Variants in PAPPA observed in about 807,000 individuals in gnomAD.
PAPPA encodes pappalysin 1.
In PAPPA, 60 loss-of-function variants were observed where a neutral mutation model predicts 164.0. The ratio of observed to expected loss-of-function variants is 0.37; its 90% CI spans 0.30 to 0.45. PAPPA has a LOEUF of 0.45. PAPPA is among the 20% of genes least tolerant of loss of function. The pLI is 1.00. For synonymous variants in PAPPA, 875 were observed against 814.1 expected (o/e 1.07, Z -1.27); for missense variants, 1,782 against 2,087.3 (o/e 0.85, Z 2.85).
intron 5 of PAPPA, among the ~76,000 whole-genome samples, chr9:116,223,525 TC>T (rs1844469893): frequency 1.3e-5 from 2 of 152,202 alleles, no homozygotes; most frequent in Non-Finnish European, 2.9e-5. Context: ...TTCTTGAGGC[TC>T]ATATAGTAGC....
At chr9:116,351,909 G>T (rs918962434) in intron 15 of PAPPA, among the ~76,000 whole-genome samples, 1 of 152,184 alleles carries the variant, frequency 6.6e-6, no homozygotes, top group Non-Finnish European at 1.5e-5. Context: ...AGGAGAGTTT[G>T]GTGGAGAAAC....
chr9:116,207,441 C>CT lies in PAPPA; in HGVS notation c.1479-10dup. On this transcript the variant is annotated splice_polypyrimidine_tract_variant and intron_variant, in intron 2 of 21. Coordinates refer to ENST00000328252, the MANE Select transcript of PAPPA (RefSeq NM_002581.5). ...TGGGGGCATGATAACAGCCAAGGTT[C>CT]TTTTTCTGTTTCAGAGCCTACTTGG... 1.9e-6 allele frequency: 3 copies of CT among 1,598,716 alleles called. No individual in the cohort carries two copies. The highest frequency in any genetic ancestry group is 1.3e-5 in the African/African-American group (1 of 74,286).
intron 1 of PAPPA, among the ~76,000 whole-genome samples, chr9:116,156,636 C>T (rs1843608595): frequency 6.6e-6 from 1 of 151,960 alleles, no homozygotes; most frequent in Non-Finnish European, 1.5e-5. Context: ...AAGCCAGGAG[C>T]TTTTCCCCTG....
At chr9:116,209,829 G>A (rs1323049876) in intron 3 of PAPPA, among the ~76,000 whole-genome samples, 1 of 152,140 alleles carries the variant, frequency 6.6e-6, no homozygotes, top group East Asian at 1.9e-4. Flanking sequence ...TTATTTTAGA[G>A]CTCACCAGAG....
chr9:116,361,618 C>T (rs1392954985), intron 17 of PAPPA, among the ~76,000 whole-genome samples: 1 of 152,210 alleles, frequency 6.6e-6, no homozygotes, highest in Non-Finnish European at 1.5e-5. Context: ...CTCTAAGAGG[C>T]CTTCCCTGAT....
chr9:116,200,579 G>A (rs1251870734), intron 2 of PAPPA, among the ~76,000 whole-genome samples: 1 of 152,160 alleles, frequency 6.6e-6, no homozygotes, highest in African/African-American at 2.4e-5. Flanking sequence ...CAGTTCCAGT[G>A]TGTAGTAAAC....
chr9:116,326,952 A>G (rs918487654), intron 10 of PAPPA, among the ~76,000 whole-genome samples: 1 of 152,206 alleles, frequency 6.6e-6, no homozygotes, highest in African/African-American at 2.4e-5. Context: ...CATTGTGTGT[A>G]TATATCACAT....
At position 116,221,524 on chromosome 9, in the gene PAPPA, A is replaced by G. The variant is rs1811722586; in HGVS notation, c.2111+1395A>G. 3.9e-5 allele frequency among the ~76,000 whole-genome samples: 6 copies of G among 152,182 alleles called. No individual in the cohort carries two copies. The South Asian group carries it at 1.2e-3, about 32-fold the overall frequency. ...CTTTCTGGTAACCTTGTACAAAACAAATCATCTTCCTCATCTGCTAGATAA... is the reference window on the plus strand; with the variant it reads ...CTTTCTGGTAACCTTGTACAAAACAGATCATCTTCCTCATCTGCTAGATAA... On this transcript the variant is annotated intron_variant, in intron 5 of 21. Coordinates refer to ENST00000328252, the MANE Select transcript of PAPPA (RefSeq NM_002581.5).
At chr9:116,336,229 C>G (rs1349606492) in intron 13 of PAPPA, among the ~76,000 whole-genome samples, 2 of 150,880 alleles carry the variant, frequency 1.3e-5, no homozygotes, top group Admixed American at 1.3e-4. Context: ...CCCTGTATAC[C>G]TGGGGGCAAG....
intron 13 of PAPPA, among the ~76,000 whole-genome samples, 163 bp from the exon 14 acceptor site, chr9:116,344,380 C>T (rs935844677): frequency 3.3e-5 from 5 of 152,166 alleles, no homozygotes; most frequent in South Asian, 2.1e-4. Flanking sequence ...AAACTTTAAT[C>T]GCTGCCTCTA....
chr9:116,381,170 G>C (rs918819832), intron 20 of PAPPA, among the ~76,000 whole-genome samples: 2 of 152,156 alleles, frequency 1.3e-5, no homozygotes, highest in East Asian at 1.9e-4. Context: ...TGGGAGTCCT[G>C]AGGCCTAGAG....
intron 1 of PAPPA, among the ~76,000 whole-genome samples, chr9:116,174,700 C>A (rs1032966716): frequency 1.3e-5 from 2 of 151,832 alleles, no homozygotes; most frequent in Non-Finnish European, 2.9e-5. Context: ...TAATTAATTT[C>A]TTTTAGATTA....
In PAPPA at chr9:116,307,371, G is replaced by A. The variant is rs529210800; in HGVS notation, c.3147+4421G>A. On this transcript the variant is annotated intron_variant, in intron 10 of 21. Coordinates refer to ENST00000328252, the MANE Select transcript of PAPPA (RefSeq NM_002581.5). The stretch of plus-strand genomic sequence containing the variant: ...TTCCAGCGCTTTGGGAGGCTGAGGC[G>A]GGCGGATCACCTGAGGTCAGGAGTT... 4.6e-5 allele frequency among the ~76,000 whole-genome samples: 7 copies of A among 152,192 alleles called. No homozygotes were observed. The East Asian group carries it at 7.8e-4, about 17-fold the overall frequency.
At chr9:116,234,871 A>G (rs1844640616) in intron 6 of PAPPA, among the ~76,000 whole-genome samples, 1 of 152,136 alleles carries the variant, frequency 6.6e-6, no homozygotes, top group Non-Finnish European at 1.5e-5. Context: ...GAAGATGAGG[A>G]AGGAAAGTTT....
chr9:116,188,344 T>A (rs2118631936), intron 2 of PAPPA, 128 bp downstream of exon 2: 2 of 667,616 alleles, frequency 3.0e-6, no homozygotes, highest in Non-Finnish European at 5.2e-6. Context: ...GCTTCATGAT[T>A]GAGGCAAGTC....
rs1055585695 is a variant in PAPPA at position 116,347,759 on chromosome 9, T to C, written c.3964+550T>C. On this transcript the variant is annotated intron_variant, in intron 15 of 21. Coordinates refer to ENST00000328252, the MANE Select transcript of PAPPA (RefSeq NM_002581.5). This position sits in a 1 kb window ranked among gnomAD's most constrained non-coding sequence, Gnocchi z 4.5. Reference sequence around the variant, plus strand: ...CCAGCTGGGCAGAGAAGAGCAGATATGGACAGGAAGCATCTGGCATCCTCC... The same window carrying C: ...CCAGCTGGGCAGAGAAGAGCAGATACGGACAGGAAGCATCTGGCATCCTCC... 6.6e-6 allele frequency among the ~76,000 whole-genome samples: 1 copy of C among 152,128 alleles called. No individual in the cohort carries two copies. The highest frequency in any genetic ancestry group is 6.5e-5 in the Admixed American group (1 of 15,276).
Position 116,220,120 on chromosome 9 carries a change from T to A in PAPPA, c.2102T>A (p.Phe701Tyr), listed in dbSNP as rs755859247. The change falls in exon 5 of 22, where the codon TTC becomes TAC. Residue 701 changes from phenylalanine (F) to tyrosine (Y), a missense_variant. Phe to Tyr is a conservative substitution (Grantham distance 22). Transcript: ENST00000328252. The part of the protein sequence containing the change: ...LEWFPPIDGH[F>Y]FERELGSACH... The stretch of plus-strand genomic sequence containing the variant: ...TGGTTCCCACCTATAGATGGCCATT[T>A]CTTTGAAAGGTGAGTGTGCCCTGTG... 15 of 1,612,796 alleles carry A rather than the reference T, an allele frequency of 9.3e-6. No homozygotes were observed. In the Admixed American group the frequency reaches 1.5e-4, roughly 16 times the overall value.
chr9:116,249,740 T>C (rs989539707), intron 7 of PAPPA, among the ~76,000 whole-genome samples: 2 of 152,096 alleles, frequency 1.3e-5, no homozygotes, highest in Non-Finnish European at 2.9e-5. Context: ...CAGGTGAGTG[T>C]GTTATGAAAG....
chr9:116,238,037 T>G (rs182038600), intron 7 of PAPPA, among the ~76,000 whole-genome samples: 1 of 152,212 alleles, frequency 6.6e-6, no homozygotes, highest in Admixed American at 6.5e-5. Flanking sequence ...TCAATTTGGA[T>G]TGCACATTTA....
Sources: allele counts gnomAD v4.1 joint callset (sites outside exome capture counted in the v4.1 genomes callset), GRCh38; gene constraint gnomAD v4.1.1; non-coding constraint Gnocchi (gnomAD v3.1); transcripts MANE v1.5; gene names NCBI Gene and HGNC (gene_info 2026-07-23, HGNC 2026-07-21).